The following KCNJ15 variants were observed in gnomAD, a reference collection of about 807,000 sequenced individuals.
The protein encoded by KCNJ15 is potassium inwardly rectifying channel subfamily J member 15, also known as ATP-sensitive inward rectifier potassium channel 15.
A neutral mutation model predicts 23.0 loss-of-function variants in KCNJ15; 14 were observed. That is an observed-to-expected ratio of 0.61 (90% CI 0.40 to 0.95). The LOEUF (loss-of-function observed/expected upper bound fraction) is 0.95, where lower values mean the gene tolerates loss of function less well. Ranked by LOEUF, KCNJ15 falls within the 40% of genes least tolerant of loss-of-function variation. The pLI is 0.00. For synonymous variants in KCNJ15, 185 were observed against 183.2 expected (o/e 1.01, Z -0.08); for missense variants, 388 against 461.8 (o/e 0.84, Z 1.46).
Position 38,238,237 on chromosome 21 carries a change from A to G in KCNJ15, c.-398-18809A>G, listed in dbSNP as rs148910581. The G allele has an allele frequency of 2.0e-3, 1,207 of 595,346 alleles. 12 individuals are homozygous for G. The highest frequency in any genetic ancestry group is 0.02 in the African/African-American group (1,089 of 54,150). 36.9% of individuals were successfully genotyped at this position (595,346 alleles called of 1,614,324 possible). ...AGAGGGTTGGGGCAGTCACGGATGTAGCAGTTTTCGTAATTCACAGGGATC... is the reference window on the plus strand; with the variant it reads ...AGAGGGTTGGGGCAGTCACGGATGTGGCAGTTTTCGTAATTCACAGGGATC... On this transcript the variant is annotated intron_variant, in intron 1 of 4. Coordinates refer to the KCNJ15 transcript ENST00000547341.
upstream of KCNJ15, among the ~76,000 whole-genome samples, chr21:38,255,605 A>G (rs1980150506): frequency 6.6e-6 from 1 of 152,142 alleles, no homozygotes; most frequent in African/African-American, 2.4e-5. Flanking sequence ...GAGGCATACC[A>G]TCTCCACTGG....
In KCNJ15 at chr21:38,304,348, G is replaced by C. The variant is rs879562552; in HGVS notation, c.*3959G>C. Reference sequence around the variant, plus strand: ...TTCCACCTATGAGTGAGAACATGCGGTGTTTGGTTTTCTGTCCTTGAGATA... The same window carrying C: ...TTCCACCTATGAGTGAGAACATGCGCTGTTTGGTTTTCTGTCCTTGAGATA... On this transcript the variant is annotated 3_prime_UTR_variant, in exon 3 of 3. Coordinates refer to ENST00000398938, the MANE Select transcript of KCNJ15 (RefSeq NM_170736.3). The C allele has an allele frequency of 6.7e-6, 1 of 149,716 alleles. No individual in the cohort carries two copies. The highest frequency in any genetic ancestry group is 2.1e-4 in the South Asian group (1 of 4,752). 9.3% of individuals were successfully genotyped at this position (149,716 alleles called of 1,614,324 possible).
chr21:38,268,550 G>GAAAAAAAAAA (rs576709021), intron 1 of KCNJ15, among the ~76,000 whole-genome samples: 6 of 47,272 alleles, frequency 1.3e-4, no homozygotes, highest in African/African-American at 1.5e-4. Context: ...CTTAAAATCT[G>GAAAAAAAAAA]AAAAAAAAAA....
intron 1 of KCNJ15, among the ~76,000 whole-genome samples, chr21:38,239,185 C>T (rs1248425214): frequency 6.6e-6 from 1 of 152,196 alleles, no homozygotes; most frequent in African/African-American, 2.4e-5. Flanking sequence ...TCCCTAAAGG[C>T]ATGTTGACAC....
chr21:38,279,409 A>G (rs1983090645), intron 1 of KCNJ15, among the ~76,000 whole-genome samples: 1 of 152,200 alleles, frequency 6.6e-6, no homozygotes, highest in Admixed American at 6.5e-5. Flanking sequence ...TAGTTGGAGC[A>G]TGGAGCCTTG....
intron 1 of KCNJ15, among the ~76,000 whole-genome samples, chr21:38,246,329 G>A (rs545994936): frequency 7.3e-4 from 111 of 152,264 alleles, no homozygotes; most frequent in African/African-American, 2.4e-3. Context: ...TTTTTTGCGT[G>A]TTGCCAATTT....
intron 1 of KCNJ15, among the ~76,000 whole-genome samples, chr21:38,266,865 G>T (rs1239387412): frequency 6.6e-6 from 1 of 152,206 alleles, no homozygotes; most frequent in Non-Finnish European, 1.5e-5. Flanking sequence ...TTGAAGCTAG[G>T]TTGTCCATCT....
chr21:38,251,866 A>C (rs1462048167), upstream of KCNJ15, among the ~76,000 whole-genome samples: 2 of 152,296 alleles, frequency 1.3e-5, no homozygotes, highest in South Asian at 2.1e-4. Context: ...TTATTAAGTA[A>C]GTTTTGCATT....
chr21:38,281,046 G>T (rs145650607), intron 1 of KCNJ15, among the ~76,000 whole-genome samples: 3 of 152,028 alleles, frequency 2.0e-5, no homozygotes. Flanking sequence ...CCTCAGCCTC[G>T]CCTGGGAGCT....
intron 1 of KCNJ15, among the ~76,000 whole-genome samples, chr21:38,249,502 T>C (rs886646477): frequency 2.0e-5 from 3 of 152,126 alleles, no homozygotes; most frequent in African/African-American, 4.8e-5. Flanking sequence ...GGATGACAGA[T>C]AGGAAATATT....
At chr21:38,288,035 T>G in intron 1 of KCNJ15, among the ~76,000 whole-genome samples, 1 of 74,018 alleles carries the variant, frequency 1.4e-5, no homozygotes, top group East Asian at 3.7e-4. Context: ...TCTTTGTTTT[T>G]TTTTTTTTTT....
intron 1 of KCNJ15, among the ~76,000 whole-genome samples, chr21:38,234,758 A>T (rs1191934763): frequency 1.3e-5 from 2 of 152,284 alleles, no homozygotes; most frequent in Non-Finnish European, 2.9e-5. Flanking sequence ...GTTTATGCAT[A>T]AAGACATCTT....
chr21:38,302,415 T>G lies in KCNJ15; in HGVS notation c.*2026T>G, dbSNP rs907202970. The G allele has an allele frequency of 1.3e-5, 2 of 152,204 alleles. No individual in the cohort carries two copies. The highest frequency in any genetic ancestry group is 2.9e-5 in the Non-Finnish European group (2 of 68,038). The allele number at this position is 152,204 out of a possible 1,614,324, so 9.4% of individuals were successfully genotyped here. On this transcript the variant is annotated 3_prime_UTR_variant, in exon 3 of 3. Coordinates refer to ENST00000398938, the MANE Select transcript of KCNJ15 (RefSeq NM_170736.3). ...GTAAGAATAGTGGGAGGAAAGTTTG[T>G]GAAAGTTTAAAGAATGCCCTCAATC...
chr21:38,284,771 C>A (rs768136675), intron 1 of KCNJ15, among the ~76,000 whole-genome samples: 3 of 152,190 alleles, frequency 2.0e-5, no homozygotes, highest in African/African-American at 7.2e-5. Flanking sequence ...GCTTCCCTCT[C>A]GCCTACTCAA....
At chr21:38,286,278 C>CA (rs1270245073) in intron 1 of KCNJ15, among the ~76,000 whole-genome samples, 1 of 152,000 alleles carries the variant, frequency 6.6e-6, no homozygotes, top group Non-Finnish European at 1.5e-5. Flanking sequence ...AACAAACAAA[C>CA]AAAAATCCAC....
At chr21:38,258,613 A>T (rs2123602489) in intron 1 of KCNJ15, among the ~76,000 whole-genome samples, 2 of 152,352 alleles carry the variant, frequency 1.3e-5, no homozygotes, top group African/African-American at 4.8e-5. Flanking sequence ...CAAATAACGG[A>T]ACAGACCTTT....
chr21:38,299,373 G>C lies in KCNJ15; in HGVS notation c.112G>C (p.Val38Leu). The change falls in exon 3 of 3, where the codon GTG (valine) becomes CTG (leucine). Residue 38 changes from valine (V) to leucine (L), a missense_variant. Transcript: ENST00000398938. The surrounding 1 kb of genome is among the most constrained non-coding windows in gnomAD (Gnocchi z 4.5). ...RVMSKSGHSN[V>L]RIDKVDGIYL... is the part of the protein sequence containing the mutation. ...CATGTCCAAGAGTGGGCACAGCAAC[G>C]TGAGAATTGACAAAGTGGATGGCAT... 1 of 1,614,232 alleles carries C rather than the reference G, an allele frequency of 6.2e-7. No homozygotes were observed. The highest frequency in any genetic ancestry group is 1.1e-5 in the South Asian group (1 of 91,090).
chr21:38,252,748 A>G (rs150761949), upstream of KCNJ15, among the ~76,000 whole-genome samples: 517 of 152,314 alleles, frequency 3.4e-3, 2 homozygotes, highest in African/African-American at 0.012. Context: ...TAGTAATAGC[A>G]CCTGCACCAT....
chr21:38,300,383 T>C lies in KCNJ15; in HGVS notation c.1122T>C (p.Asn374=), dbSNP rs1296648186. 1 of 1,601,798 alleles carries C rather than the reference T, an allele frequency of 6.2e-7. No individual in the cohort carries two copies. Among genetic ancestry groups the C allele is most frequent in the Non-Finnish European group, 8.5e-7 (1 of 1,171,972 alleles). ...ELRTLLLQQS[N]V is the part of the protein sequence containing the mutation. Reference sequence around the variant, plus strand: ...GGACACTTTTATTACAACAGAGCAATGTCTGATCACAGGGGCGCCATCCAG... The same window carrying C: ...GGACACTTTTATTACAACAGAGCAACGTCTGATCACAGGGGCGCCATCCAG... The change falls in exon 3 of 3, where the codon AAT becomes AAC. Residue 374 remains asparagine, a synonymous_variant. Transcript: ENST00000398938.
Sources: gnomAD v4.1 joint callset for allele counts (sites outside exome capture counted in the v4.1 genomes callset) on GRCh38, gnomAD v4.1.1 for gene constraint, Gnocchi (gnomAD v3.1) non-coding constraint, MANE v1.5 for transcripts, NCBI Gene and HGNC (gene_info 2026-07-23, HGNC 2026-07-21) for gene names.